ARHGAP29: variants seen among roughly 807,000 people sequenced by gnomAD.
ARHGAP29 encodes the protein Rho GTPase activating protein 29.
Under a neutral mutation model 122.6 loss-of-function variants are expected in ARHGAP29, and 43 were observed. The ratio of observed to expected loss-of-function variants is 0.35; its 90% CI spans 0.27 to 0.45. The LOEUF is 0.45. ARHGAP29 is among the 20% of genes least tolerant of loss of function. ARHGAP29 has a pLI of 1.00. For synonymous variants in ARHGAP29, 506 were observed against 497.1 expected (o/e 1.02, Z -0.24); for missense variants, 1,303 against 1,477.2 (o/e 0.88, Z 1.93).
intron 3 of ARHGAP29, among the ~76,000 whole-genome samples, chr1:94,217,393 G>A (rs1652012405): frequency 6.6e-6 from 1 of 152,054 alleles, no homozygotes; most frequent in South Asian, 2.1e-4. Flanking sequence ...AATTAGGTGG[G>A]TGTGGTGGCA....
the ARHGAP29 span, among the ~76,000 whole-genome samples, chr1:94,296,306 G>A: frequency 6.6e-5 from 10 of 152,104 alleles, no homozygotes; most frequent in Admixed American, 6.5e-4. Flanking sequence ...TGTTGAGGTG[G>A]TATGGCAGTG....
intron 12 of ARHGAP29, among the ~76,000 whole-genome samples, chr1:94,196,835 A>C (rs910930691): frequency 1.3e-4 from 20 of 152,198 alleles, no homozygotes; most frequent in African/African-American, 4.8e-4. Flanking sequence ...TTTGGAACTG[A>C]ATATAAATGA....
chr1:94,220,170 G>A, intron 3 of ARHGAP29, 88 bp downstream of exon 3: 1 of 1,389,018 alleles, frequency 7.2e-7, no homozygotes, highest in South Asian at 1.2e-5. Context: ...GCAATGAGAG[G>A]AATTGGCTAT....
intron 1 of ARHGAP29, among the ~76,000 whole-genome samples, chr1:94,247,011 A>G (rs557072196): frequency 2.6e-5 from 4 of 152,112 alleles, no homozygotes; most frequent in Admixed American, 2.0e-4. Context: ...ACAACCTTAG[A>G]TCTCCCTCCC....
the ARHGAP29 span, among the ~76,000 whole-genome samples, chr1:94,286,912 G>C: frequency 6.6e-6 from 1 of 152,048 alleles, no homozygotes; most frequent in Non-Finnish European, 1.5e-5. Flanking sequence ...ACAATCACTG[G>C]GTGTCCTCCA....
chr1:94,199,806 T>C (rs775657409), intron 12 of ARHGAP29, among the ~76,000 whole-genome samples: 1 of 152,222 alleles, frequency 6.6e-6, no homozygotes, highest in Non-Finnish European at 1.5e-5. Flanking sequence ...AATTCCCTTG[T>C]GGCCCTGTGT....
At chr1:94,236,011 G>A (rs925091215) in intron 1 of ARHGAP29, among the ~76,000 whole-genome samples, 3 of 152,104 alleles carry the variant, frequency 2.0e-5, no homozygotes, top group Non-Finnish European at 4.4e-5. Flanking sequence ...TCTTCTTGAG[G>A]AAAAATTGCC....
At chr1:94,300,420 G>T in the ARHGAP29 span, among the ~76,000 whole-genome samples, 2 of 152,094 alleles carry the variant, frequency 1.3e-5, no homozygotes, top group East Asian at 3.9e-4. Context: ...GTTTCTTATG[G>T]TTGGGTGAGA....
At chr1:94,188,978 G>A (rs920603057) in intron 14 of ARHGAP29, 37 bp from the exon 15 acceptor site, 2 of 1,579,332 alleles carry the variant, frequency 1.3e-6, no homozygotes, top group African/African-American at 2.7e-5. Context: ...CTTGGCTACA[G>A]GTAGATTTCA....
upstream of ARHGAP29, among the ~76,000 whole-genome samples, chr1:94,277,975 C>T (rs936947857): frequency 7.2e-5 from 11 of 152,018 alleles, no homozygotes; most frequent in Non-Finnish European, 1.5e-4. Flanking sequence ...ATCTCAGTAG[C>T]TTTGGATTAT....
chr1:94,298,624 T>C, the ARHGAP29 span, among the ~76,000 whole-genome samples: 340 of 152,318 alleles, frequency 2.2e-3, 1 homozygote, highest in African/African-American at 8.0e-3. Context: ...TTGGTTTTGT[T>C]TTTGCCTGCA....
chr1:94,288,687 A>T, the ARHGAP29 span, among the ~76,000 whole-genome samples: 1 of 152,164 alleles, frequency 6.6e-6, no homozygotes. Context: ...AGGTGTAAGG[A>T]AGGGATCCAG....
At chr1:94,274,208 C>T (rs965996914) in intron 1 of ARHGAP29, among the ~76,000 whole-genome samples, 3 of 152,182 alleles carry the variant, frequency 2.0e-5, no homozygotes, top group African/African-American at 7.2e-5. Flanking sequence ...GCCTTACAGT[C>T]TCTGGGTCTT....
At chr1:94,222,667 A>G (rs1387318973) in intron 2 of ARHGAP29, among the ~76,000 whole-genome samples, 6 of 152,182 alleles carry the variant, frequency 3.9e-5, no homozygotes, top group Non-Finnish European at 7.3e-5. Flanking sequence ...GGAAAATAAT[A>G]AAGAATATTA....
At chr1:94,249,751 CAAA>C (rs112643845) in intron 1 of ARHGAP29, among the ~76,000 whole-genome samples, 3 of 127,890 alleles carry the variant, frequency 2.3e-5, no homozygotes, top group Non-Finnish European at 1.7e-5. Context: ...AACTCCATCT[CAAA>C]AAAAAAAAAA....
the ARHGAP29 span, among the ~76,000 whole-genome samples, chr1:94,287,939 T>G: frequency 5.3e-5 from 8 of 152,186 alleles, no homozygotes; most frequent in Non-Finnish European, 1.0e-4. Context: ...TCTCTGCTAT[T>G]GTGAATAGTC....
intron 1 of ARHGAP29, among the ~76,000 whole-genome samples, chr1:94,235,128 A>G (rs17399943): frequency 0.039 from 5,915 of 152,308 alleles, 143 homozygotes; most frequent in South Asian, 0.12. Context: ...ATCTCTAGCC[A>G]GCATTATAAT....
chr1:94,281,450 G>A, the ARHGAP29 span, among the ~76,000 whole-genome samples: 6 of 150,920 alleles, frequency 4.0e-5, no homozygotes, highest in Admixed American at 6.6e-5. Flanking sequence ...AGCCCAGCAC[G>A]TAAAGTTAAC....
rs775591069 is a variant in ARHGAP29, at chr1:94,174,312, C to T, written c.3343G>A (p.Gly1115Arg). The change falls in exon 23 of 23, where the codon GGG (glycine) becomes AGG (arginine). Residue 1115 changes from glycine to arginine, a missense_variant. Gly to Arg is a moderately radical substitution (Grantham distance 125). Transcript: ENST00000260526. ...KGVTTSLQIS[G>R]DHSINATQPS... is the part of the protein sequence containing the mutation. ...TGAGTGGCATTGATAGAATGGTCCC[C>T]ACTAATCTGGAGGCTTGTTGTCACT... 1.2e-6 allele frequency: 2 copies of T among 1,614,134 alleles called. No individual in the cohort carries two copies. The highest frequency in any genetic ancestry group is 2.2e-5 in the East Asian group (1 of 44,886).
Sources: gnomAD v4.1 joint callset for allele counts (sites outside exome capture counted in the v4.1 genomes callset) on GRCh38, gnomAD v4.1.1 for gene constraint, MANE v1.5 for transcripts, NCBI Gene and HGNC (gene_info 2026-07-23, HGNC 2026-07-21) for gene names.